ZNF438: variants seen among roughly 807,000 people sequenced by gnomAD.
The protein encoded by ZNF438 is zinc finger protein 438.
In ZNF438, 25 loss-of-function variants were observed where a neutral mutation model predicts 38.0. The ratio of observed to expected loss-of-function variants is 0.66; its 90% CI spans 0.48 to 0.92. The LOEUF (loss-of-function observed/expected upper bound fraction) is 0.92. Among genes scored for constraint, ZNF438 ranks in the 40% least tolerant of loss-of-function variants. ZNF438 has a pLI of 0.00. For synonymous variants in ZNF438, 372 were observed against 364.1 expected, an observed-to-expected ratio of 1.02 and a Z score of -0.25; for missense variants, 1,007 against 999.6, an observed-to-expected ratio of 1.01 and a Z score of -0.10.
At chr10:30,944,505 G>A (rs1382388262) in intron 1 of ZNF438, among the ~76,000 whole-genome samples, 3 of 152,116 alleles carry the variant, frequency 2.0e-5, no homozygotes, top group Non-Finnish European at 4.4e-5. Flanking sequence ...AACTATATGG[G>A]GGTTGGGTTG....
chr10:30,952,099 T>C (rs1402426458), intron 1 of ZNF438, among the ~76,000 whole-genome samples: 1 of 151,410 alleles, frequency 6.6e-6, no homozygotes, highest in African/African-American at 2.4e-5. Flanking sequence ...TAACGCTGCC[T>C]ATCTACAACT....
chr10:30,950,461 C>G (rs1380069290), intron 1 of ZNF438, among the ~76,000 whole-genome samples: 1 of 149,420 alleles, frequency 6.7e-6, no homozygotes, highest in Non-Finnish European at 1.5e-5. Context: ...AATCCAGGAG[C>G]TGGTTTTTTG....
intron 1 of ZNF438, among the ~76,000 whole-genome samples, chr10:30,973,452 T>C (rs1432300408): frequency 6.6e-6 from 1 of 152,226 alleles, no homozygotes; most frequent in Non-Finnish European, 1.5e-5. Context: ...TGAATGTTGA[T>C]CTCTGCATCC....
At chr10:30,937,610 C>T (rs2046389784) in intron 2 of ZNF438, among the ~76,000 whole-genome samples, 1 of 152,058 alleles carries the variant, frequency 6.6e-6, no homozygotes, top group African/African-American at 2.4e-5. Flanking sequence ...TTTAAGTTGC[C>T]AGGCTGAATG....
At chr10:30,947,435 AG>A (rs2047549227) in intron 1 of ZNF438, among the ~76,000 whole-genome samples, 1 of 152,276 alleles carries the variant, frequency 6.6e-6, no homozygotes, top group Admixed American at 6.5e-5. Context: ...CAAAGCTGTC[AG>A]ACAGGGACAT....
intron 4 of ZNF438, among the ~76,000 whole-genome samples, chr10:30,863,671 C>G: frequency 6.6e-6 from 1 of 152,352 alleles, no homozygotes; most frequent in East Asian, 1.9e-4. Context: ...ACACAGCCCA[C>G]TGCTTCTCCT....
exon 5 of ZNF438, chr10:30,849,409 G>A (rs775330348): frequency 1.2e-6 from 2 of 1,614,182 alleles, no homozygotes; most frequent in East Asian, 2.2e-5. Flanking sequence ...AGCCTTCTGT[G>A]GTGGAGGGTA....
chr10:30,956,606 C>G (rs1464676901), intron 1 of ZNF438, among the ~76,000 whole-genome samples: 1 of 152,136 alleles, frequency 6.6e-6, no homozygotes. Context: ...CTACTTTCTA[C>G]TTCTATGAGA....
chr10:30,845,311 C>T, exon 6 of ZNF438: 1 of 1,614,142 alleles, frequency 6.2e-7, no homozygotes, highest in Non-Finnish European at 8.5e-7. Context: ...GAGGAATGAA[C>T]CTTCTCCGGC....
intron 2 of ZNF438, among the ~76,000 whole-genome samples, chr10:30,923,983 GT>G (rs1486562248): frequency 6.6e-6 from 1 of 152,146 alleles, no homozygotes; most frequent in Non-Finnish European, 1.5e-5. Flanking sequence ...TTCAATAAAA[GT>G]TTGTAACTTC....
At chr10:30,849,952 G>A (rs770342526) in exon 5 of ZNF438, 11 of 1,614,166 alleles carry the variant, frequency 6.8e-6, no homozygotes, top group Non-Finnish European at 8.5e-6. Flanking sequence ...TTTGGGTTTG[G>A]GCAGGAGCTT....
At chr10:30,902,530 T>A (rs1436156741) in intron 3 of ZNF438, among the ~76,000 whole-genome samples, 1 of 152,136 alleles carries the variant, frequency 6.6e-6, no homozygotes. Context: ...TTACAAACTT[T>A]GAGCTAGACA....
intron 1 of ZNF438, among the ~76,000 whole-genome samples, chr10:30,982,253 C>T (rs1358305236): frequency 1.3e-5 from 2 of 151,920 alleles, no homozygotes; most frequent in Non-Finnish European, 2.9e-5. Flanking sequence ...AGGCACCTGC[C>T]ACCACGCCTG....
intron 4 of ZNF438, among the ~76,000 whole-genome samples, chr10:30,850,614 A>C (rs555406314): frequency 9.2e-5 from 14 of 152,282 alleles, no homozygotes; most frequent in Admixed American, 7.8e-4. Context: ...TTTCCATAAT[A>C]ATTTATGTGT....
rs763090268 is a variant in ZNF438 at position 30,849,916 on chromosome 10, T to TG, written c.488dup (p.Pro164ThrfsTer5). 1 of 1,613,940 alleles carries TG rather than the reference T, an allele frequency of 6.2e-7. No homozygotes were observed. Among genetic ancestry groups the TG allele is most frequent in the Admixed American group, 1.7e-5 (1 of 59,994 alleles). On this transcript the variant is annotated frameshift_variant, in exon 5 of 6. Transcript: ENST00000413025. LOFTEE classifies it high-confidence loss of function. ...TGTACAGGAGTTCAGGGTGGTGAGG[T>TG]GGGGAAGGGGACATCTGAGGACACA...
At chr10:31,017,357 C>T (rs921246976) in intron 1 of ZNF438, among the ~76,000 whole-genome samples, 5 of 152,170 alleles carry the variant, frequency 3.3e-5, no homozygotes, top group South Asian at 2.1e-4. Flanking sequence ...AGAGTATATG[C>T]TCCAATAGGG....
chr10:30,882,286 A>G (rs978719017), intron 3 of ZNF438, among the ~76,000 whole-genome samples: 3 of 152,222 alleles, frequency 2.0e-5, no homozygotes, highest in African/African-American at 4.8e-5. Context: ...AAATAAGAAC[A>G]TAAGAAGATG....
At chr10:30,982,582 T>C (rs994419797) in intron 1 of ZNF438, among the ~76,000 whole-genome samples, 1 of 152,170 alleles carries the variant, frequency 6.6e-6, no homozygotes, top group African/African-American at 2.4e-5. Flanking sequence ...CAAGAGTTAT[T>C]CAGGCATGGG....
chr10:30,855,757 A>G (rs1388152699), intron 4 of ZNF438, among the ~76,000 whole-genome samples: 1 of 152,260 alleles, frequency 6.6e-6, no homozygotes, highest in African/African-American at 2.4e-5. Context: ...ATACTCTCCA[A>G]GATGGGAGAT....
Sources: gnomAD v4.1 joint callset for allele counts (sites outside exome capture counted in the v4.1 genomes callset) on GRCh38, gnomAD v4.1.1 for gene constraint, MANE v1.5 for transcripts, NCBI Gene and HGNC (gene_info 2026-07-23, HGNC 2026-07-21) for gene names.